SHANK2: variants seen among roughly 807,000 people sequenced by gnomAD.
SHANK2 encodes SH3 and multiple ankyrin repeat domains protein 2.
In SHANK2, 43 loss-of-function variants were observed where a neutral mutation model predicts 133.7. The ratio of observed to expected loss-of-function variants is 0.32; its 90% confidence interval spans 0.25 to 0.41. SHANK2 has a LOEUF of 0.41. Ranked by LOEUF, SHANK2 falls within the 10% of genes least tolerant of loss-of-function variation. The pLI is 1.00. For missense variants in SHANK2, 1,994 were observed against 2,235.8 expected, an observed-to-expected ratio of 0.89 and a Z score of 2.18; for synonymous variants, 1,017 against 952.8, an observed-to-expected ratio of 1.07 and a Z score of -1.24.
intron 14 of SHANK2, among the ~76,000 whole-genome samples, chr11:70,709,171 A>ACTGCAC (rs1441096920): frequency 6.6e-6 from 1 of 152,260 alleles, no homozygotes; most frequent in Non-Finnish European, 1.5e-5. Context: ...AGATCACATC[A>ACTGCAC]CTGCACCACA....
intron 17 of SHANK2, among the ~76,000 whole-genome samples, chr11:70,573,150 G>A (rs938204512): frequency 6.6e-6 from 1 of 151,780 alleles, no homozygotes; most frequent in Non-Finnish European, 1.5e-5. Context: ...CTTCAGTCGC[G>A]TGACTCCATT....
At chr11:70,536,190 C>A (rs1554974175) in intron 17 of SHANK2, among the ~76,000 whole-genome samples, 1 of 152,220 alleles carries the variant, frequency 6.6e-6, no homozygotes, top group Non-Finnish European at 1.5e-5. Flanking sequence ...CCTCACTGCC[C>A]GGCTCTGTGC....
At chr11:70,877,085 C>T (rs1173783512) in intron 11 of SHANK2, among the ~76,000 whole-genome samples, 3 of 152,238 alleles carry the variant, frequency 2.0e-5, no homozygotes, top group African/African-American at 7.2e-5. Context: ...CTCTTCCTCA[C>T]TGATATTTTT....
At chr11:71,223,241 G>A (rs549600445) in intron 2 of SHANK2, among the ~76,000 whole-genome samples, 17 of 152,330 alleles carry the variant, frequency 1.1e-4, no homozygotes, top group African/African-American at 3.4e-4. Context: ...ATGGGGCCGT[G>A]ACTCCGACAT....
At chr11:70,728,968 G>C (rs1946227545) in intron 14 of SHANK2, among the ~76,000 whole-genome samples, 1 of 152,100 alleles carries the variant, frequency 6.6e-6, no homozygotes, top group South Asian at 2.1e-4. Context: ...ACTTTGGGAG[G>C]CCGAGGTGGG....
intron 19 of SHANK2, 100 bp from the exon 20 acceptor site, chr11:70,502,031 G>A: frequency 3.6e-6 from 5 of 1,390,446 alleles, no homozygotes; most frequent in Non-Finnish European, 5.0e-6. Flanking sequence ...TCCGAGGGAG[G>A]TGCACACATG....
rs1555154626 is a variant in SHANK2, at chr11:70,487,632, G to T, written c.2661C>A (p.Ile887=). The T allele has an allele frequency of 1.9e-6, 3 of 1,603,612 alleles. No homozygotes were observed. Among genetic ancestry groups the T allele is most frequent in the Middle Eastern group, 1.6e-4 (1 of 6,074 alleles). The change falls in exon 25 of 26, where the codon ATC becomes ATA. Residue 887 remains isoleucine, a synonymous_variant. Transcript: ENST00000601538. This position sits in a 1 kb window ranked among gnomAD's most constrained non-coding sequence, Gnocchi z 5.8. The stretch of plus-strand genomic sequence containing the variant: ...GGGGCACAGACTGCGGTGGAGGGGG[G>T]ATGTCCTCAGAGGTGTCCGGCATGG... The part of the protein sequence containing the change: ...SLSMPDTSED[I]PPPPQSVPPS...
chr11:70,770,915 C>CTTTTTTTTTTT (rs71467419), intron 14 of SHANK2, among the ~76,000 whole-genome samples: 7 of 92,854 alleles, frequency 7.5e-5, no homozygotes, highest in Non-Finnish European at 1.2e-4. Context: ...CTCTTACTTC[C>CTTTTTTTTTTT]TTTTTTTTTT....
At chr11:70,866,775 G>A (rs1191684227) in intron 11 of SHANK2, among the ~76,000 whole-genome samples, 12 of 151,660 alleles carry the variant, frequency 7.9e-5, no homozygotes, top group African/African-American at 2.2e-4. Context: ...ATGTCTACCC[G>A]GCAAATTTTC....
At chr11:70,908,410 T>C (rs963239638) in intron 10 of SHANK2, among the ~76,000 whole-genome samples, 1 of 152,182 alleles carries the variant, frequency 6.6e-6, no homozygotes, top group Non-Finnish European at 1.5e-5. Context: ...GTGCTCCACA[T>C]AGACAGCATG....
At chr11:70,653,586 A>G (rs532257927) in intron 17 of SHANK2, among the ~76,000 whole-genome samples, 2,012 of 151,274 alleles carry the variant, frequency 0.013, 36 homozygotes, top group African/African-American at 0.032. Flanking sequence ...AAAAAAAAAA[A>G]AAAGAAAGAA....
intron 17 of SHANK2, among the ~76,000 whole-genome samples, chr11:70,601,379 C>T (rs1404857601): frequency 2.0e-5 from 3 of 152,160 alleles, no homozygotes; most frequent in East Asian, 1.9e-4. Context: ...GCCACCACAC[C>T]CAGCTAATTT....
chr11:71,206,177 G>C (rs1555117962), intron 2 of SHANK2, among the ~76,000 whole-genome samples: 1 of 152,198 alleles, frequency 6.6e-6, no homozygotes, highest in East Asian at 1.9e-4. Context: ...CTAGTGCAAA[G>C]TCTTCTGTTT....
chr11:70,495,276 G>C (rs2058952916), intron 21 of SHANK2, among the ~76,000 whole-genome samples: 1 of 152,192 alleles, frequency 6.6e-6, no homozygotes, highest in Non-Finnish European at 1.5e-5. Flanking sequence ...TTCCTCCAAG[G>C]AGCCTTTCCC....
chr11:70,932,257 T>C (rs1407609711), intron 10 of SHANK2, among the ~76,000 whole-genome samples: 1 of 152,252 alleles, frequency 6.6e-6, no homozygotes, highest in African/African-American at 2.4e-5. Flanking sequence ...GTGTCTCTGA[T>C]AACAGCCACG....
intron 15 of SHANK2, among the ~76,000 whole-genome samples, chr11:70,697,601 G>C (rs1335484881): frequency 1.3e-5 from 2 of 152,228 alleles, no homozygotes. Context: ...CTTTAAAATG[G>C]TAAGTTTTAG....
At chr11:71,241,586 G>C (rs1167379430) in intron 1 of SHANK2, among the ~76,000 whole-genome samples, 3 of 152,234 alleles carry the variant, frequency 2.0e-5, no homozygotes, top group Non-Finnish European at 1.5e-5. Context: ...TCTCCCCCCT[G>C]CTACTGTCTC....
intron 17 of SHANK2, among the ~76,000 whole-genome samples, chr11:70,578,665 C>G (rs535379772): frequency 3.5e-4 from 54 of 152,304 alleles, no homozygotes; most frequent in African/African-American, 1.3e-3. Context: ...CATGAACCAG[C>G]CAGGTGCGTG....
Position 71,126,454 on chromosome 11 carries a change from C to T in SHANK2, c.208-7422G>A, listed in dbSNP as rs555374213. 9.9e-5 allele frequency among the ~76,000 whole-genome samples: 15 copies of T among 152,206 alleles called. No individual in the cohort carries two copies. The South Asian group carries it at 2.9e-3, about 29-fold the overall frequency. ...TGATGGAGATGTACAAGGAGATAAA[C>T]GTTTTCATGCTTGCATACACAATAT... On this transcript the variant is annotated intron_variant, in intron 3 of 25. Coordinates refer to ENST00000601538, the MANE Select transcript of SHANK2 (RefSeq NM_012309.5).
Sources: allele counts gnomAD v4.1 joint callset (sites outside exome capture counted in the v4.1 genomes callset), GRCh38; gene constraint gnomAD v4.1.1; non-coding constraint Gnocchi (gnomAD v3.1); transcripts MANE v1.5; gene names NCBI Gene and HGNC (gene_info 2026-07-23, HGNC 2026-07-21).